Variants in TDRD7 observed in about 807,000 individuals in gnomAD.
TDRD7 encodes the protein tudor domain-containing protein 7.
TDRD7 carries 47 observed loss-of-function variants against 109.8 expected under a neutral mutation model. The ratio of observed to expected loss-of-function variants is 0.43; its 90% CI spans 0.34 to 0.55. TDRD7 has a LOEUF of 0.55. Ranked by LOEUF, TDRD7 falls within the 20% of genes least tolerant of loss-of-function variation. The pLI, the probability that TDRD7 is intolerant of heterozygous loss-of-function variation, is 0.03. For missense variants in TDRD7, 1,164 were observed against 1,319.2 expected, an observed-to-expected ratio of 0.88 and a Z score of 1.82; for synonymous variants, 424 against 457.3, an observed-to-expected ratio of 0.93 and a Z score of 0.93.
At position 97,470,644 on chromosome 9, in the gene TDRD7, T is replaced by C; in HGVS notation, c.1716T>C (p.Phe572=). 1 of 1,613,914 alleles carries C rather than the reference T, an allele frequency of 6.2e-7. No homozygotes were observed. Among genetic ancestry groups the C allele is most frequent in the Non-Finnish European group, 8.5e-7 (1 of 1,179,892 alleles). The change falls in exon 9 of 17, where the codon TTT becomes TTC. Residue 572 remains phenylalanine (F), a synonymous_variant. Transcript: ENST00000355295. ...ACCCGAAGTTTTGTTCACTCTCATT[T>C]CAAGCTACAAAATGTAAGCTTGCAG... ...KLNPKFCSLS[F]QATKCKLAGL... is the part of the protein sequence containing the mutation.
At position 97,472,396 on chromosome 9, in the gene TDRD7, A is replaced by C. The variant is rs1271546476; in HGVS notation, c.1845A>C (p.Pro615=). ...AAATACTTGACAAAGCTGACATTCC[A>C]CTTGTTGTTCTGTACGATACCTCAG... ...AVEILDKADI[P]LVVLYDTSGE... Residue 615 remains proline, a synonymous_variant, in exon 10 of 17, where the codon CCA becomes CCC. Coordinates refer to ENST00000355295, the MANE Select transcript of TDRD7 (RefSeq NM_014290.3). 1 of 1,613,938 alleles carries C rather than the reference A, an allele frequency of 6.2e-7. No individual in the cohort carries two copies. The highest frequency in any genetic ancestry group is 8.5e-7 in the Non-Finnish European group (1 of 1,179,882).
chr9:97,455,698 AC>A (rs1828594064), intron 6 of TDRD7, among the ~76,000 whole-genome samples: 1 of 152,200 alleles, frequency 6.6e-6, no homozygotes, highest in African/African-American at 2.4e-5. Flanking sequence ...GTTATTCATG[AC>A]AAATCACAGC....
Position 97,495,946 on chromosome 9 carries a change from C to CT in TDRD7, c.*65dup. ...TTTAGCAATAACAAAATGTAGTAGG[C>CT]TTAAAAAAAATCTTAACTCTGCTAC... is the stretch of plus-strand genomic sequence containing the variant. On this transcript the variant is annotated 3_prime_UTR_variant, in exon 17 of 17. Coordinates refer to ENST00000355295, the MANE Select transcript of TDRD7 (RefSeq NM_014290.3). The CT allele has an allele frequency of 7.2e-7, 1 of 1,387,300 alleles. No homozygotes were observed. The highest frequency in any genetic ancestry group is 1.0e-6 in the Non-Finnish European group (1 of 976,880). The allele number at this position is 1,387,300 out of a possible 1,614,324, so 85.9% of individuals were successfully genotyped here.
At chr9:97,473,163 A>T (rs1462024521) in intron 10 of TDRD7, among the ~76,000 whole-genome samples, 1 of 152,186 alleles carries the variant, frequency 6.6e-6, no homozygotes, top group South Asian at 2.1e-4. Flanking sequence ...AACATGGTTT[A>T]TGTAATTCTT....
Position 97,454,664 on chromosome 9 carries a change from ATC to A in TDRD7, c.856-5510_856-5509del, listed in dbSNP as rs536746514. On this transcript the variant is annotated intron_variant, in intron 6 of 16. Coordinates refer to ENST00000355295, the MANE Select transcript of TDRD7 (RefSeq NM_014290.3). The stretch of plus-strand genomic sequence containing the variant: ...AAGAACAAACAGACAATGTACCAGA[ATC>A]TCTGAGACACAGCTAATGCAGTGTT... Among the ~76,000 whole-genome samples, 16 of 152,354 alleles carry A rather than the reference ATC, an allele frequency of 1.1e-4. No individual in the cohort carries two copies. The East Asian group carries it at 3.1e-3, about 29-fold the overall frequency.
rs1212061840 is a variant in TDRD7 at position 97,473,561 on chromosome 9, C to A, written c.2014C>A (p.Pro672Thr). Residue 672 changes from proline (P) to threonine (T), a missense_variant, in exon 11 of 17, where the codon CCT (proline) becomes ACT (threonine). This residue lies in a region of TDRD7 where 261 missense variants were observed against 336.2 expected (regional missense o/e 0.78). Transcript: ENST00000355295. The part of the protein sequence containing the change: ...CSDGTLYCQV[P>T]CKGLNKLSDL... ...TGATGGGACACTCTACTGCCAGGTG[C>A]CTTGTAAGGGTCTGAACAAGCTCAG... 4 of 1,613,686 alleles carry A rather than the reference C, an allele frequency of 2.5e-6. No homozygotes were observed. The highest frequency in any genetic ancestry group is 2.5e-6 in the Non-Finnish European group (3 of 1,179,806).
intron 4 of TDRD7, among the ~76,000 whole-genome samples, chr9:97,435,782 T>C (rs1266719754): frequency 1.3e-5 from 2 of 152,132 alleles, no homozygotes; most frequent in Non-Finnish European, 2.9e-5. Flanking sequence ...ATGGGTAACA[T>C]TTCTAGTTAT....
rs1827736419 is a variant in TDRD7, at chr9:97,412,593, G to C, written c.-7+355G>C. On this transcript the variant is annotated intron_variant, in intron 1 of 16. Coordinates refer to ENST00000355295, the MANE Select transcript of TDRD7 (RefSeq NM_014290.3). This position sits in a 1 kb window ranked among gnomAD's most constrained non-coding sequence, Gnocchi z 4.3. Reference sequence around the variant, plus strand: ...CGGGGTGTGGACGCGGGCGGGAGATGCGGACCAGGAAGTGGTTCCCGCTAC... The same window carrying C: ...CGGGGTGTGGACGCGGGCGGGAGATCCGGACCAGGAAGTGGTTCCCGCTAC... Among the ~76,000 whole-genome samples the C allele has an allele frequency of 1.3e-5, 2 of 152,180 alleles. No individual in the cohort carries two copies. Among genetic ancestry groups the C allele is most frequent in the Non-Finnish European group, 2.9e-5 (2 of 68,016 alleles).
rs898894931 is a variant in TDRD7 at position 97,412,779 on chromosome 9, T to C, written c.-7+541T>C. ...GTAATGCAGGACACACATCCCCATTTCTCTCAAACGAGGAGCACCCAGTGG... is the reference window on the plus strand; with the variant it reads ...GTAATGCAGGACACACATCCCCATTCCTCTCAAACGAGGAGCACCCAGTGG... On this transcript the variant is annotated intron_variant, in intron 1 of 16. Coordinates refer to ENST00000355295, the MANE Select transcript of TDRD7 (RefSeq NM_014290.3). The surrounding 1 kb of genome is among the most constrained non-coding windows in gnomAD (Gnocchi z 4.3). 6.6e-6 allele frequency among the ~76,000 whole-genome samples: 1 copy of C among 152,188 alleles called. No homozygotes were observed. Among genetic ancestry groups the C allele is most frequent in the East Asian group, 1.9e-4 (1 of 5,170 alleles).
At chr9:97,484,535 A>G (rs746002963) in intron 15 of TDRD7, among the ~76,000 whole-genome samples, 36 of 152,074 alleles carry the variant, frequency 2.4e-4, no homozygotes, top group Admixed American at 2.6e-4. Context: ...TATTTTTTAT[A>G]TGAAATGTTT....
chr9:97,487,425 G>C, intron 16 of TDRD7, 93 bp downstream of exon 16: 1 of 1,565,074 alleles, frequency 6.4e-7, no homozygotes, highest in Non-Finnish European at 8.8e-7. Context: ...TTGGCCTCTT[G>C]AGTTTAGGTA....
At chr9:97,445,480 T>TC (rs1421521164) in intron 6 of TDRD7, among the ~76,000 whole-genome samples, 1 of 152,140 alleles carries the variant, frequency 6.6e-6, no homozygotes, top group Non-Finnish European at 1.5e-5. Flanking sequence ...TGAGGGAATG[T>TC]CTAAACAGGA....
chr9:97,437,627 C>T (rs145688580), intron 4 of TDRD7, among the ~76,000 whole-genome samples: 30 of 152,310 alleles, frequency 2.0e-4, no homozygotes, highest in Non-Finnish European at 3.2e-4. Flanking sequence ...CTACTTACCA[C>T]GGTCCGTTTC....
At chr9:97,483,707 G>A (rs985472762) in intron 15 of TDRD7, among the ~76,000 whole-genome samples, 5 of 150,998 alleles carry the variant, frequency 3.3e-5, no homozygotes, top group African/African-American at 1.2e-4. Context: ...TATAAAAAAA[G>A]CATAAGAAAT....
rs567123279 is a variant in TDRD7 at position 97,472,587 on chromosome 9, G to C, written c.1944+92G>C. On this transcript the variant is annotated intron_variant, in intron 10 of 16. Coordinates refer to ENST00000355295, the MANE Select transcript of TDRD7 (RefSeq NM_014290.3). ...ATACATTTTAGGCTAACAATTGATAGAGACAGATTACATTTACATTGAGGG... is the reference window on the plus strand; with the variant it reads ...ATACATTTTAGGCTAACAATTGATACAGACAGATTACATTTACATTGAGGG... 24 of 1,086,876 alleles carry C rather than the reference G, an allele frequency of 2.2e-5. No individual in the cohort carries two copies. In the African/African-American group the frequency reaches 3.4e-4, roughly 15 times the overall value. The allele number at this position is 1,086,876 out of a possible 1,614,324, so 67.3% of individuals were successfully genotyped here. A position where few individuals can be genotyped will look rare whatever the true frequency, so the allele number is the denominator to read the frequency against.
intron 10 of TDRD7, 96 bp downstream of exon 10, chr9:97,472,591 CA>C: frequency 9.4e-7 from 1 of 1,059,442 alleles, no homozygotes; most frequent in Admixed American, 1.8e-5. Context: ...TTGATAGAGA[CA>C]GATTACATTT....
chr9:97,456,970 G>A (rs973178298), intron 6 of TDRD7, among the ~76,000 whole-genome samples: 11 of 151,864 alleles, frequency 7.2e-5, no homozygotes, highest in African/African-American at 2.2e-4. Flanking sequence ...TTAAACATAT[G>A]TACAAGAAAA....
rs562177186 is a variant in TDRD7 at position 97,441,354 on chromosome 9, A to AATTATTCTT, written c.638-303_638-295dup. On this transcript the variant is annotated intron_variant, in intron 5 of 16. Transcript: ENST00000355295. Reference sequence around the variant, plus strand: ...TAGAAAACGGTTGGTTAAATAATTTAATTATTCTTTATGTAGCAAGATCAT... The same window carrying AATTATTCTT: ...TAGAAAACGGTTGGTTAAATAATTTAATTATTCTTATTATTCTTTATGTAGCAAGATCAT... Among the ~76,000 whole-genome samples the AATTATTCTT allele has an allele frequency of 1.6e-4, 25 of 151,962 alleles. No individual in the cohort carries two copies. In the East Asian group the frequency reaches 1.7e-3, roughly 11 times the overall value.
rs777136597 is a variant in TDRD7, at chr9:97,441,643, T to G, written c.638-15T>G. 1.3e-6 allele frequency: 2 copies of G among 1,571,554 alleles called. No homozygotes were observed. Among genetic ancestry groups the G allele is most frequent in the South Asian group, 2.3e-5 (2 of 87,758 alleles). Reference sequence around the variant, plus strand: ...TAAGCATTTTGGTTAATTCTATTATTTTTTTAATTTAAAGATAATTTAAAT... The same window carrying G: ...TAAGCATTTTGGTTAATTCTATTATGTTTTTAATTTAAAGATAATTTAAAT... On this transcript the variant is annotated splice_polypyrimidine_tract_variant and intron_variant, in intron 5 of 16. Transcript: ENST00000355295.
Sources: gnomAD v4.1 joint callset for allele counts (sites outside exome capture counted in the v4.1 genomes callset) on GRCh38, gnomAD v4.1.1 for gene constraint, gnomAD v4.1.1 regional missense constraint, Gnocchi (gnomAD v3.1) non-coding constraint, MANE v1.5 for transcripts, NCBI Gene and HGNC (gene_info 2026-07-23, HGNC 2026-07-21) for gene names.